KCNAB1: variants seen among roughly 807,000 people sequenced by gnomAD.
The protein encoded by KCNAB1 is potassium voltage-gated channel subfamily A regulatory beta subunit 1, also known as voltage-gated potassium channel subunit beta-1.
KCNAB1 carries 35 observed loss-of-function variants against 64.6 expected under a neutral mutation model. That is an observed-to-expected ratio of 0.54 (90% CI 0.41 to 0.72). The LOEUF is 0.72. Ranked by LOEUF, KCNAB1 falls within the 30% of genes least tolerant of loss-of-function variation. KCNAB1 has a pLI of 0.00. For missense variants in KCNAB1, 401 were observed against 512.9 expected, an observed-to-expected ratio of 0.78 and a Z score of 2.11; for synonymous variants, 177 against 183.8, an observed-to-expected ratio of 0.96 and a Z score of 0.30.
intron 1 of KCNAB1, among the ~76,000 whole-genome samples, chr3:156,361,140 C>T (rs778447272): frequency 2.6e-5 from 4 of 152,040 alleles, no homozygotes; most frequent in African/African-American, 2.4e-5. Flanking sequence ...AGAGCTTTAC[C>T]GCCCTCATCA....
chr3:156,293,220 T>C (rs1720563502), intron 1 of KCNAB1, among the ~76,000 whole-genome samples: 1 of 152,232 alleles, frequency 6.6e-6, no homozygotes, highest in African/African-American at 2.4e-5. Flanking sequence ...TGACTTTATT[T>C]CTTTAAAACT....
chr3:156,490,109 A>G (rs997053722), intron 8 of KCNAB1, among the ~76,000 whole-genome samples: 42 of 152,046 alleles, frequency 2.8e-4, no homozygotes. Context: ...GCTGCAAATA[A>G]AAAGACTATG....
intron 1 of KCNAB1, among the ~76,000 whole-genome samples, chr3:156,380,917 A>G (rs1157065629): frequency 6.6e-6 from 1 of 152,200 alleles, no homozygotes; most frequent in Non-Finnish European, 1.5e-5. Flanking sequence ...GAAGAGAGCC[A>G]TAAACAAAGA....
At chr3:156,280,436 G>T (rs758587334) in intron 1 of KCNAB1, among the ~76,000 whole-genome samples, 1 of 151,712 alleles carries the variant, frequency 6.6e-6, no homozygotes, top group African/African-American at 2.4e-5. Context: ...GCTTAGGATT[G>T]CCTTGGCAAT....
In KCNAB1 at chr3:156,126,802, TACCTTAGG is replaced by T. The variant is rs1299338549; in HGVS notation, c.275+5917_275+5924del. On this transcript the variant is annotated intron_variant, in intron 1 of 13. Coordinates refer to ENST00000490337, the MANE Select transcript of KCNAB1 (RefSeq NM_172160.3). ...AAAAAGTGGGTAATGATGGCAGTAA[TACCTTAGG>T]GTTGTTACGGGAGCTCAAGTGACTT... 3.6e-3 allele frequency among the ~76,000 whole-genome samples: 548 copies of T among 152,330 alleles called. 7 individuals are homozygous for T. The highest frequency in any genetic ancestry group is 0.011 in the African/African-American group (464 of 41,578).
chr3:156,333,391 C>T (rs1160209951), intron 1 of KCNAB1, among the ~76,000 whole-genome samples: 1 of 151,168 alleles, frequency 6.6e-6, no homozygotes, highest in East Asian at 1.9e-4. Context: ...AAAATGGTGA[C>T]ATACTATACA....
intron 1 of KCNAB1, among the ~76,000 whole-genome samples, chr3:156,388,167 A>G (rs1236878166): frequency 6.6e-6 from 1 of 152,240 alleles, no homozygotes; most frequent in African/African-American, 2.4e-5. Flanking sequence ...TATGTATGAT[A>G]TGGTAACCAG....
intron 1 of KCNAB1, among the ~76,000 whole-genome samples, chr3:156,290,572 A>T (rs1720343034): frequency 1.3e-5 from 2 of 152,218 alleles, no homozygotes; most frequent in African/African-American, 4.8e-5. Flanking sequence ...TTCCTGCCTC[A>T]TGTGGGTTCA....
chr3:156,330,558 G>A (rs1002347047), intron 1 of KCNAB1, among the ~76,000 whole-genome samples: 1 of 152,138 alleles, frequency 6.6e-6, no homozygotes, highest in Admixed American at 6.5e-5. Context: ...TTCACCTTGA[G>A]ACTATTTTCA....
At chr3:156,198,001 T>C (rs1172075511) in intron 1 of KCNAB1, among the ~76,000 whole-genome samples, 1 of 152,220 alleles carries the variant, frequency 6.6e-6, no homozygotes, top group African/African-American at 2.4e-5. Context: ...TTGTTCTCAT[T>C]GGTTTCAAAG....
At chr3:156,122,984 A>T (rs9861320) in intron 1 of KCNAB1, among the ~76,000 whole-genome samples, 95,683 of 151,952 alleles carry the variant, frequency 0.63, 30,418 homozygotes, top group Admixed American at 0.74. Flanking sequence ...TCTCTTCCAA[A>T]TTTAATGTTA....
intron 1 of KCNAB1, among the ~76,000 whole-genome samples, chr3:156,394,994 T>C (rs115796405): frequency 0.013 from 2,030 of 152,346 alleles, 17 homozygotes; most frequent in South Asian, 0.033. Context: ...CTCTTCTTAG[T>C]ATTGTGCATT....
Position 156,450,970 on chromosome 3 carries a change from A to T in KCNAB1, c.320-1929A>T, listed in dbSNP as rs530908636. Among the ~76,000 whole-genome samples the T allele has an allele frequency of 6.6e-5, 10 of 151,896 alleles. No individual in the cohort carries two copies. The South Asian group carries it at 1.7e-3, about 25-fold the overall frequency. ...TTCTTTTTACACTAAGAAAAATATC[A>T]GTAAACACATGGTGGTAAAAAGCTA... On this transcript the variant is annotated intron_variant, in intron 2 of 13. Coordinates refer to ENST00000490337, the MANE Select transcript of KCNAB1 (RefSeq NM_172160.3).
chr3:156,253,657 C>T (rs1351439505), intron 1 of KCNAB1, among the ~76,000 whole-genome samples: 4 of 152,220 alleles, frequency 2.6e-5, no homozygotes. Flanking sequence ...GGAGGCTCAG[C>T]TTCTTCCCTG....
chr3:156,167,417 T>G (rs1160492642), intron 1 of KCNAB1, among the ~76,000 whole-genome samples: 1 of 152,154 alleles, frequency 6.6e-6, no homozygotes, highest in East Asian at 1.9e-4. Context: ...TCAAATCACT[T>G]CTGGAAATTT....
At chr3:156,525,973 T>C (rs1214986976) in intron 12 of KCNAB1, among the ~76,000 whole-genome samples, 1 of 152,178 alleles carries the variant, frequency 6.6e-6, no homozygotes, top group African/African-American at 2.4e-5. Flanking sequence ...GTCCCAGGCC[T>C]TCACATTCAC....
chr3:156,506,447 T>C lies in KCNAB1; in HGVS notation c.659-7917T>C, dbSNP rs569829203. 1.2e-3 allele frequency among the ~76,000 whole-genome samples: 175 copies of C among 152,074 alleles called. 2 individuals are homozygous for C. The highest frequency in any genetic ancestry group is 4.1e-3 in the African/African-American group (172 of 41,546). On this transcript the variant is annotated intron_variant, in intron 8 of 13. Coordinates refer to ENST00000490337, the MANE Select transcript of KCNAB1 (RefSeq NM_172160.3). ...ATTTTAGAATAAGGTTCTGAAATCA[T>C]ATTTGGGCAATATCAAAGGCTCACT... is the stretch of plus-strand genomic sequence containing the variant.
At chr3:156,208,238 C>T (rs1246773009) in intron 1 of KCNAB1, among the ~76,000 whole-genome samples, 1 of 152,134 alleles carries the variant, frequency 6.6e-6, no homozygotes, top group Non-Finnish European at 1.5e-5. Context: ...AAGGTTGCCG[C>T]TGCTCCTACT....
At chr3:156,259,781 T>C (rs1718320635) in intron 1 of KCNAB1, among the ~76,000 whole-genome samples, 1 of 152,200 alleles carries the variant, frequency 6.6e-6, no homozygotes, top group Admixed American at 6.5e-5. Context: ...GTATCAGCTC[T>C]CGCTCTGTGA....
Sources: gnomAD v4.1 joint callset for allele counts (sites outside exome capture counted in the v4.1 genomes callset) on GRCh38, gnomAD v4.1.1 for gene constraint, MANE v1.5 for transcripts, NCBI Gene and HGNC (gene_info 2026-07-23, HGNC 2026-07-21) for gene names.